The following CDH12 variants were observed in gnomAD, a reference collection of about 807,000 sequenced individuals.
The protein encoded by CDH12 is cadherin-12.
CDH12 carries 41 observed loss-of-function variants against 74.1 expected under a neutral mutation model. The ratio of observed to expected loss-of-function variants is 0.55; its 90% CI spans 0.43 to 0.72. The LOEUF is 0.72. Among genes scored for constraint, CDH12 ranks in the 30% least tolerant of loss-of-function variants. CDH12 has a pLI of 0.00. For missense variants in CDH12, 945 were observed against 977.2 expected (o/e 0.97, Z 0.44); for synonymous variants, 399 against 355.0 (o/e 1.12, Z -1.39).
At chr5:21,928,431 C>A (rs1754689723) in intron 6 of CDH12, among the ~76,000 whole-genome samples, 1 of 152,080 alleles carries the variant, frequency 6.6e-6, no homozygotes. Flanking sequence ...CTGGTTAGAG[C>A]AAGAAGATGA....
rs1425470304 is a variant in CDH12, at chr5:21,988,802, G to A, written c.232-13417C>T. 4.6e-5 allele frequency among the ~76,000 whole-genome samples: 7 copies of A among 152,038 alleles called. No individual in the cohort carries two copies. In the East Asian group the frequency reaches 7.7e-4, roughly 17 times the overall value. ...TGTAGTTTGATATAATACTTTCCAC[G>A]TTCTAGGGTTTCATTAAAACTTCAC... On this transcript the variant is annotated intron_variant, in intron 5 of 14. Transcript: ENST00000382254.
intron 12 of CDH12, among the ~76,000 whole-genome samples, chr5:21,761,645 C>G (rs1744723132): frequency 6.6e-6 from 1 of 151,930 alleles, no homozygotes; most frequent in African/African-American, 2.4e-5. Flanking sequence ...AGTTAAAACC[C>G]AATCTATGAC....
chr5:22,454,729 C>A (rs1745195936), intron 2 of CDH12, among the ~76,000 whole-genome samples: 1 of 152,128 alleles, frequency 6.6e-6, no homozygotes, highest in Non-Finnish European at 1.5e-5. Context: ...CCTAATCTAG[C>A]CTCCCAAAGT....
intron 1 of CDH12, among the ~76,000 whole-genome samples, chr5:22,617,475 T>C (rs1419357648): frequency 6.6e-6 from 1 of 152,118 alleles, no homozygotes; most frequent in Non-Finnish European, 1.5e-5. Flanking sequence ...CCTTAAAATA[T>C]CTAGCTTTAT....
chr5:22,150,265 A>G (rs1035325135), intron 4 of CDH12, among the ~76,000 whole-genome samples: 1 of 152,022 alleles, frequency 6.6e-6, no homozygotes, highest in African/African-American at 2.4e-5. Context: ...ATCATTAATT[A>G]TTCACAAAGT....
chr5:22,425,153 GTATA>G (rs1331299083), intron 2 of CDH12, among the ~76,000 whole-genome samples: 1 of 87,990 alleles, frequency 1.1e-5, no homozygotes, highest in Non-Finnish European at 2.5e-5. Flanking sequence ...ATGTGTGTGT[GTATA>G]TATATATATA....
At chr5:21,880,568 T>C (rs55816462) in intron 6 of CDH12, among the ~76,000 whole-genome samples, 713 of 14,854 alleles carry the variant, frequency 0.048, 50 homozygotes, top group Middle Eastern at 0.1. Flanking sequence ...CCTTCCCTTC[T>C]TTCTTTCCTT....
intron 6 of CDH12, among the ~76,000 whole-genome samples, chr5:21,867,583 T>C (rs150405579): frequency 0.035 from 5,304 of 152,278 alleles, 92 homozygotes; most frequent in Middle Eastern, 0.051. Context: ...TGCTGGATTT[T>C]GAACTTGCTT....
At chr5:22,787,218 C>A (rs1747682525) in intron 1 of CDH12, among the ~76,000 whole-genome samples, 1 of 151,990 alleles carries the variant, frequency 6.6e-6, no homozygotes, top group Admixed American at 6.6e-5. Flanking sequence ...CTATTCTGTT[C>A]TCTCCTCTTT....
chr5:22,467,218 C>A (rs956093654), intron 2 of CDH12, among the ~76,000 whole-genome samples: 2 of 152,084 alleles, frequency 1.3e-5, no homozygotes, highest in Non-Finnish European at 2.9e-5. Flanking sequence ...CCTTGACAGC[C>A]CGTGAGCATG....
intron 3 of CDH12, among the ~76,000 whole-genome samples, chr5:22,352,201 A>G (rs1488062620): frequency 6.6e-6 from 1 of 151,804 alleles, no homozygotes; most frequent in African/African-American, 2.4e-5. Context: ...TTAAGTTCTC[A>G]GAAAGCTAAA....
chr5:21,834,231 A>T (rs1419200241), intron 8 of CDH12, among the ~76,000 whole-genome samples: 1 of 151,794 alleles, frequency 6.6e-6, no homozygotes, highest in Non-Finnish European at 1.5e-5. Flanking sequence ...ACGCATGCAC[A>T]TAACACACAA....
chr5:22,070,879 A>T (rs1741894123), intron 5 of CDH12, among the ~76,000 whole-genome samples: 1 of 152,206 alleles, frequency 6.6e-6, no homozygotes, highest in African/African-American at 2.4e-5. Flanking sequence ...ACACATGAAC[A>T]GACAACCAAA....
At chr5:22,074,229 A>T (rs1403258351) in intron 5 of CDH12, among the ~76,000 whole-genome samples, 1 of 152,228 alleles carries the variant, frequency 6.6e-6, no homozygotes, top group Admixed American at 6.5e-5. Context: ...TCCCTATTTA[A>T]TAAATGGTGC....
Position 22,698,588 on chromosome 5 carries a change from T to A in CDH12, c.-523+154470A>T, listed in dbSNP as rs370070307. ...CTGACAGGATGAATTTCCCTAGGCA[T>A]GTCAATCACAGAAGTTTTAATTGAT... On this transcript the variant is annotated intron_variant, in intron 1 of 14. Transcript: ENST00000382254. Among the ~76,000 whole-genome samples, 4 of 149,728 alleles carry A rather than the reference T, an allele frequency of 2.7e-5. No individual in the cohort carries two copies. In the East Asian group the frequency reaches 7.9e-4, roughly 30 times the overall value.
intron 1 of CDH12, among the ~76,000 whole-genome samples, chr5:22,528,832 C>T (rs1001608157): frequency 2.0e-5 from 3 of 151,970 alleles, no homozygotes; most frequent in Non-Finnish European, 2.9e-5. Flanking sequence ...GACCACCAGC[C>T]TTCTCTTTAC....
At chr5:22,218,883 C>T (rs1212642634) in intron 3 of CDH12, among the ~76,000 whole-genome samples, 7 of 151,710 alleles carry the variant, frequency 4.6e-5, no homozygotes, top group Middle Eastern at 3.4e-3. Context: ...GAAACCGCAT[C>T]GAAGATGGAA....
intron 4 of CDH12, among the ~76,000 whole-genome samples, chr5:22,128,810 T>A (rs992721662): frequency 1.3e-5 from 2 of 152,166 alleles, no homozygotes; most frequent in African/African-American, 4.8e-5. Flanking sequence ...TTTTCATTTG[T>A]CAAGTACATT....
intron 3 of CDH12, among the ~76,000 whole-genome samples, chr5:22,364,438 T>C (rs975984716): frequency 1.3e-5 from 2 of 152,180 alleles, no homozygotes; most frequent in Non-Finnish European, 2.9e-5. Flanking sequence ...TTAACTTACT[T>C]AGTTTATGAC....
Sources: allele counts gnomAD v4.1 joint callset (sites outside exome capture counted in the v4.1 genomes callset), GRCh38; gene constraint gnomAD v4.1.1; transcripts MANE v1.5; gene names NCBI Gene and HGNC (gene_info 2026-07-23, HGNC 2026-07-21).